Variants in CLIC5 observed in about 807,000 individuals in gnomAD.
CLIC5 encodes chloride intracellular channel protein 5.
CLIC5 carries 20 observed loss-of-function variants against 24.7 expected under a neutral mutation model. The observed-to-expected ratio is 0.81, with a 90% CI of 0.57 to 1.18. CLIC5 has a LOEUF of 1.18. Ranked by LOEUF, CLIC5 falls within the 50% of genes most tolerant of loss-of-function variation. CLIC5 has a pLI of 0.00. For synonymous variants in CLIC5, 159 were observed against 135.6 expected (o/e 1.17, Z -1.20); for missense variants, 341 against 326.1 (o/e 1.05, Z -0.35).
chr6:46,085,503 TC>T, the CLIC5 span, among the ~76,000 whole-genome samples: 1 of 152,370 alleles, frequency 6.6e-6, no homozygotes, highest in South Asian at 2.1e-4. Flanking sequence ...GACAGGACCC[TC>T]AGCTGCAGGT....
chr6:45,880,888 A>T (rs1762256872), downstream of CLIC5: 1 of 364,424 alleles, frequency 2.7e-6, no homozygotes, highest in Admixed American at 4.6e-5. Flanking sequence ...TTGCCCAGAA[A>T]ATCAGAATAA....
At chr6:46,052,839 G>T (rs1481207578) in intron 1 of CLIC5, among the ~76,000 whole-genome samples, 4 of 151,780 alleles carry the variant, frequency 2.6e-5, no homozygotes, top group African/African-American at 9.7e-5. Flanking sequence ...AGGTGCCAGG[G>T]TAAAGACTTT....
chr6:46,038,314 G>A (rs933684039), intron 1 of CLIC5, among the ~76,000 whole-genome samples: 14 of 152,204 alleles, frequency 9.2e-5, no homozygotes, highest in African/African-American at 3.1e-4. Context: ...CTAGGCTTTA[G>A]ACTGAATGGC....
At chr6:45,940,861 A>G (rs538966082) in intron 4 of CLIC5, among the ~76,000 whole-genome samples, 1 of 152,322 alleles carries the variant, frequency 6.6e-6, no homozygotes, top group South Asian at 2.1e-4. Flanking sequence ...GCTTTAGGTA[A>G]TTCTTAAAGG....
intron 6 of CLIC5, among the ~76,000 whole-genome samples, chr6:45,888,542 T>C (rs1037110432): frequency 2.6e-5 from 4 of 152,196 alleles, no homozygotes; most frequent in Non-Finnish European, 4.4e-5. Flanking sequence ...TAATTTTGCT[T>C]CAAAAGCCTA....
intron 1 of CLIC5, among the ~76,000 whole-genome samples, chr6:46,025,443 A>G (rs1052257580): frequency 1.3e-5 from 2 of 152,184 alleles, no homozygotes; most frequent in Non-Finnish European, 2.9e-5. Context: ...CAAATTAGTG[A>G]GTGAGCTAGA....
At chr6:46,099,542 A>C in the CLIC5 span, among the ~76,000 whole-genome samples, 1 of 152,182 alleles carries the variant, frequency 6.6e-6, no homozygotes, top group East Asian at 1.9e-4. Context: ...CAAAGCTGTC[A>C]TTTGCAGTAT....
At chr6:45,952,526 G>T (rs1764507096) in intron 2 of CLIC5, among the ~76,000 whole-genome samples, 2 of 152,180 alleles carry the variant, frequency 1.3e-5, no homozygotes, top group African/African-American at 4.8e-5. Flanking sequence ...TGTCTCCATT[G>T]TACAGATGAG....
the CLIC5 span, chr6:46,102,440 G>A: frequency 6.6e-6 from 1 of 152,136 alleles, no homozygotes; most frequent in Non-Finnish European, 1.5e-5. Flanking sequence ...ATTTCTTTAT[G>A]TCCAACTTTT....
At chr6:45,908,031 T>C (rs1176139361) in intron 5 of CLIC5, among the ~76,000 whole-genome samples, 1 of 152,202 alleles carries the variant, frequency 6.6e-6, no homozygotes, top group Non-Finnish European at 1.5e-5. Context: ...ATCCATTTCC[T>C]CTAGATTTTC....
intron 1 of CLIC5, among the ~76,000 whole-genome samples, chr6:46,003,486 G>T (rs1766433330): frequency 6.6e-6 from 1 of 152,034 alleles, no homozygotes. Context: ...TAATTCCACG[G>T]GCCATGGAGC....
At chr6:46,061,503 T>C (rs1392736109) in intron 1 of CLIC5, among the ~76,000 whole-genome samples, 1 of 152,228 alleles carries the variant, frequency 6.6e-6, no homozygotes, top group Non-Finnish European at 1.5e-5. Context: ...CAAGTTGTTT[T>C]GACTGAGAAG....
intron 4 of CLIC5, among the ~76,000 whole-genome samples, chr6:45,933,516 T>A (rs1416922323): frequency 2.0e-5 from 3 of 152,220 alleles, no homozygotes; most frequent in South Asian, 2.1e-4. Flanking sequence ...GCCCAGCACG[T>A]CACAGATACC....
rs186434388 is a variant in CLIC5, at chr6:45,910,755, G to T, written c.588+3473C>A. ...ACTATTTTTTGTGATGCTGGGGCTA[G>T]GACTGAGCAGATCACATCTCTTCTT... On this transcript the variant is annotated intron_variant, in intron 5 of 5. Transcript: ENST00000339561. Among the ~76,000 whole-genome samples, 4 of 152,258 alleles carry T rather than the reference G, an allele frequency of 2.6e-5. No homozygotes were observed. The East Asian group carries it at 7.7e-4, about 29-fold the overall frequency.
At chr6:46,084,579 T>C (rs1195647644), upstream of CLIC5, among the ~76,000 whole-genome samples, 2 of 152,208 alleles carry the variant, frequency 1.3e-5, no homozygotes, top group African/African-American at 4.8e-5. Flanking sequence ...AATTCTTTCC[T>C]TTAAGAATGT....
chr6:45,914,313 T>G lies in CLIC5; in HGVS notation c.503A>C (p.Asp168Ala). 6.2e-7 allele frequency: 1 copy of G among 1,607,180 alleles called. No homozygotes were observed. The highest frequency in any genetic ancestry group is 1.3e-5 in the African/African-American group (1 of 75,002). The change falls in exon 5 of 6, where the codon GAC (aspartate) becomes GCC (alanine). Residue 168 changes from aspartate (D) to alanine (A), a missense_variant. Physicochemically the swap from Asp to Ala is moderately radical, Grantham distance 126. Transcript: ENST00000339561. Reference protein sequence around the residue: ...EEIDANTCGEDKGSRRKFLDG... With the variant: ...EEIDANTCGEAKGSRRKFLDG... ...CAGGAACTTGCGCCGGGACCCCTTG[T>G]CTTCCCCACAAGTGTTGGCGTCAAT...
At chr6:45,895,331 G>A (rs1408663516), downstream of CLIC5, among the ~76,000 whole-genome samples, 1 of 152,088 alleles carries the variant, frequency 6.6e-6, no homozygotes, top group Non-Finnish European at 1.5e-5. Context: ...TTGGACAACT[G>A]ACTAAATTAT....
chr6:45,887,749 A>G (rs1376449184), intron 6 of CLIC5, among the ~76,000 whole-genome samples: 1 of 152,228 alleles, frequency 6.6e-6, no homozygotes, highest in African/African-American at 2.4e-5. Flanking sequence ...AATTCTAAAA[A>G]GAGATAATCT....
chr6:45,897,359 G>A (rs775566322), downstream of CLIC5, among the ~76,000 whole-genome samples: 28 of 152,198 alleles, frequency 1.8e-4, no homozygotes, highest in Admixed American at 5.9e-4. Context: ...GACCATTTGT[G>A]CTTTACTCTT....
Sources: allele counts gnomAD v4.1 joint callset (sites outside exome capture counted in the v4.1 genomes callset), GRCh38; gene constraint gnomAD v4.1.1; transcripts MANE v1.5; gene names NCBI Gene and HGNC (gene_info 2026-07-23, HGNC 2026-07-21).